The following SYT1 variants were observed in gnomAD, a reference collection of about 807,000 sequenced individuals.
SYT1 encodes the protein synaptotagmin-1.
SYT1 carries 8 observed loss-of-function variants against 44.8 expected under a neutral mutation model. The observed-to-expected ratio is 0.18, with a 90% CI of 0.10 to 0.32. The LOEUF (loss-of-function observed/expected upper bound fraction) is 0.32, where lower values mean the gene tolerates loss of function less well. Among genes scored for constraint, SYT1 ranks in the 10% least tolerant of loss-of-function variants. SYT1 has a pLI of 1.00. For missense variants in SYT1, 286 were observed against 509.3 expected (o/e 0.56, Z 4.22); for synonymous variants, 154 against 188.8 (o/e 0.82, Z 1.51).
chr12:79,111,243 T>C (rs1192538064), intron 3 of SYT1, among the ~76,000 whole-genome samples: 1 of 152,060 alleles, frequency 6.6e-6, no homozygotes, highest in Non-Finnish European at 1.5e-5. Flanking sequence ...GGGGAATATA[T>C]TAGAATTAAA....
chr12:79,040,575 C>A (rs1416337049), intron 2 of SYT1, among the ~76,000 whole-genome samples: 1 of 151,864 alleles, frequency 6.6e-6, no homozygotes, highest in East Asian at 1.9e-4. Flanking sequence ...TTGTAGGTTG[C>A]CTGTTCACTC....
At chr12:79,242,571 A>T (rs550052037) in intron 4 of SYT1, among the ~76,000 whole-genome samples, 3 of 152,314 alleles carry the variant, frequency 2.0e-5, no homozygotes, top group African/African-American at 7.2e-5. Flanking sequence ...ATATTTTTTT[A>T]AATCATGGCT....
intron 8 of SYT1, among the ~76,000 whole-genome samples, chr12:79,349,062 G>C (rs1400416870): frequency 7.7e-6 from 1 of 129,470 alleles, no homozygotes; most frequent in Non-Finnish European, 1.6e-5. Context: ...AGAAAGGAGG[G>C]AGGGAGGGAG....
At chr12:78,921,961 A>G (rs1333388277) in intron 1 of SYT1, among the ~76,000 whole-genome samples, 1 of 150,764 alleles carries the variant, frequency 6.6e-6, no homozygotes, top group African/African-American at 2.4e-5. Flanking sequence ...AAGGTAATAA[A>G]TTATATGCTT....
chr12:79,133,671 T>C (rs1302519088), intron 3 of SYT1, among the ~76,000 whole-genome samples: 1 of 152,108 alleles, frequency 6.6e-6, no homozygotes, highest in Non-Finnish European at 1.5e-5. Flanking sequence ...AAAGACAATA[T>C]GGAAGAAAAA....
chr12:79,070,684 A>G (rs150269595), intron 3 of SYT1, among the ~76,000 whole-genome samples: 2 of 152,196 alleles, frequency 1.3e-5, no homozygotes, highest in Non-Finnish European at 2.9e-5. Flanking sequence ...GTACACTTGA[A>G]CATAAACACG....
chr12:79,269,441 T>C (rs1878303999), intron 4 of SYT1, among the ~76,000 whole-genome samples: 1 of 152,176 alleles, frequency 6.6e-6, no homozygotes, highest in African/African-American at 2.4e-5. Flanking sequence ...CTGTGTTCTC[T>C]GTTCTCTCAC....
intron 1 of SYT1, among the ~76,000 whole-genome samples, chr12:78,884,461 G>A (rs997799317): frequency 8.5e-6 from 1 of 118,048 alleles, no homozygotes; most frequent in African/African-American, 2.8e-5. Flanking sequence ...ATGAACATAA[G>A]GTGTACTAAA....
At chr12:79,147,653 T>C (rs1010285191) in intron 3 of SYT1, among the ~76,000 whole-genome samples, 6 of 152,160 alleles carry the variant, frequency 3.9e-5, no homozygotes, top group Non-Finnish European at 8.8e-5. Flanking sequence ...CAAATGCAAG[T>C]AGCTAATAAT....
chr12:79,297,566 TA>T (rs1447436605), intron 7 of SYT1, among the ~76,000 whole-genome samples: 2 of 152,112 alleles, frequency 1.3e-5, no homozygotes, highest in Non-Finnish European at 2.9e-5. Context: ...ATAATTTTAT[TA>T]GTAATTTCTA....
intron 6 of SYT1, among the ~76,000 whole-genome samples, chr12:79,292,591 A>T (rs1453448113): frequency 6.6e-6 from 1 of 152,204 alleles, no homozygotes; most frequent in African/African-American, 2.4e-5. Context: ...ATGAAAAATT[A>T]ATTCTTGTCC....
intron 4 of SYT1, among the ~76,000 whole-genome samples, chr12:79,255,948 G>A (rs1165391769): frequency 1.3e-5 from 2 of 152,182 alleles, no homozygotes; most frequent in African/African-American, 4.8e-5. Context: ...TTAATAGGGA[G>A]AATGTGTAAT....
At chr12:79,245,467 C>A (rs2138670332) in intron 4 of SYT1, among the ~76,000 whole-genome samples, 2 of 119,256 alleles carry the variant, frequency 1.7e-5, no homozygotes. Context: ...AGCGAGACTC[C>A]GTCAACAAAA....
At chr12:78,884,882 A>T (rs915476443) in intron 1 of SYT1, among the ~76,000 whole-genome samples, 2 of 151,894 alleles carry the variant, frequency 1.3e-5, no homozygotes, top group African/African-American at 4.8e-5. Context: ...ATTTAATAAT[A>T]ATAGTTTATA....
At chr12:79,222,992 C>G (rs1875268800) in intron 4 of SYT1, among the ~76,000 whole-genome samples, 1 of 151,758 alleles carries the variant, frequency 6.6e-6, no homozygotes, top group African/African-American at 2.4e-5. Flanking sequence ...TTATTTAAAC[C>G]TCTATTAAAT....
In SYT1 at chr12:79,400,838, T is replaced by TG. The variant is rs1156598632; in HGVS notation, c.929-43234dup. On this transcript the variant is annotated intron_variant, in intron 9 of 10. Transcript: ENST00000261205. ...ATTTGGTTTCCATGGAGTCCATCCA[T>TG]GAACTAAAAGAACAAAACATCTAAT... Among the ~76,000 whole-genome samples the TG allele has an allele frequency of 3.3e-4, 51 of 152,312 alleles. No individual in the cohort carries two copies. The South Asian group carries it at 6.6e-3, about 20-fold the overall frequency.
At chr12:79,179,355 G>GAT (rs1872266287) in intron 3 of SYT1, among the ~76,000 whole-genome samples, 1 of 3,858 alleles carries the variant, frequency 2.6e-4, no homozygotes, top group African/African-American at 2.3e-3. Context: ...TGTCTATATC[G>GAT]ATATAGATAT....
At chr12:79,004,277 A>T (rs937799805) in intron 2 of SYT1, among the ~76,000 whole-genome samples, 1 of 151,946 alleles carries the variant, frequency 6.6e-6, no homozygotes, top group Non-Finnish European at 1.5e-5. Flanking sequence ...AAGTGATGAC[A>T]ATTGCAATTT....
chr12:79,072,495 TA>T (rs1285670061), intron 3 of SYT1, among the ~76,000 whole-genome samples: 3 of 152,156 alleles, frequency 2.0e-5, no homozygotes, highest in Admixed American at 6.6e-5. Flanking sequence ...TTTAAATTTA[TA>T]TACATATCCA....
Sources: allele counts gnomAD v4.1 joint callset (sites outside exome capture counted in the v4.1 genomes callset), GRCh38; gene constraint gnomAD v4.1.1; transcripts MANE v1.5; gene names NCBI Gene and HGNC (gene_info 2026-07-23, HGNC 2026-07-21).